The following SEPTIN11 variants were observed in gnomAD, a reference collection of about 807,000 sequenced individuals.
The protein encoded by SEPTIN11 is septin-11.
Under a neutral mutation model 51.4 loss-of-function variants are expected in SEPTIN11, and 25 were observed. That is an observed-to-expected ratio of 0.49 (90% CI 0.35 to 0.68). The LOEUF is 0.68. Ranked by LOEUF, SEPTIN11 falls within the 30% of genes least tolerant of loss-of-function variation. The probability of loss-of-function intolerance (pLI) is 0.00; values close to 1 mark genes in which losing one functional copy is unlikely to be tolerated. For missense variants in SEPTIN11, 381 were observed against 520.8 expected (o/e 0.73, Z 2.61); for synonymous variants, 174 against 184.1 (o/e 0.95, Z 0.44).
In SEPTIN11 at chr4:77,035,247, G is replaced by T. The variant is rs1423151580; in HGVS notation, c.*735G>T. On this transcript the variant is annotated 3_prime_UTR_variant, in exon 10 of 10. Transcript: ENST00000264893. Reference sequence around the variant, plus strand: ...CATCCTTGATCCTCTCACAGATAGAGGTCTTAAAGGTTGGATCATGTAACA... The same window carrying T: ...CATCCTTGATCCTCTCACAGATAGATGTCTTAAAGGTTGGATCATGTAACA... 1.0e-6 allele frequency: 1 copy of T among 985,194 alleles called. No homozygotes were observed. Among genetic ancestry groups the T allele is most frequent in the Non-Finnish European group, 1.2e-6 (1 of 829,912 alleles). 61.0% of individuals were successfully genotyped at this position (985,194 alleles called of 1,614,324 possible).
Position 77,035,168 on chromosome 4 carries a change from C to T in SEPTIN11, c.*656C>T. 1.0e-6 allele frequency: 1 copy of T among 985,428 alleles called. No homozygotes were observed. 61.0% of individuals were successfully genotyped at this position (985,428 alleles called of 1,614,324 possible). A position where few individuals can be genotyped will look rare whatever the true frequency, so the allele number is the denominator to read the frequency against. ...CTGAATGCCTGCCTTCAATCCTGGC[C>T]AAGTTGGAGTAGACTGGTATGAGAA... On this transcript the variant is annotated 3_prime_UTR_variant, in exon 10 of 10. Coordinates refer to ENST00000264893, the MANE Select transcript of SEPTIN11 (RefSeq NM_018243.4).
Position 77,037,680 on chromosome 4 carries a change from GCTT to G in SEPTIN11, c.*3174_*3176del, listed in dbSNP as rs1256323846. ...TGTTCAAACATAATACCATCTTTTTGCTTCTTCTGAACTTTAGATCTCCATAAC... is the reference window on the plus strand; with the variant it reads ...TGTTCAAACATAATACCATCTTTTTGCTTCTGAACTTTAGATCTCCATAAC... On this transcript the variant is annotated 3_prime_UTR_variant, in exon 10 of 10. Coordinates refer to ENST00000264893, the MANE Select transcript of SEPTIN11 (RefSeq NM_018243.4). 2.0e-6 allele frequency: 2 copies of G among 985,540 alleles called. No homozygotes were observed. Among genetic ancestry groups the G allele is most frequent in the African/African-American group, 1.7e-5 (1 of 57,176 alleles). 61.0% of individuals were successfully genotyped at this position (985,540 alleles called of 1,614,324 possible).
chr4:77,022,445 C>G (rs1313692640), intron 7 of SEPTIN11, among the ~76,000 whole-genome samples: 2 of 152,162 alleles, frequency 1.3e-5, no homozygotes, highest in African/African-American at 2.4e-5. Context: ...TTTTTCCATA[C>G]TGGGTTAGAC....
chr4:77,007,193 G>A (rs947366696), intron 3 of SEPTIN11, among the ~76,000 whole-genome samples: 3 of 152,204 alleles, frequency 2.0e-5, no homozygotes, highest in Non-Finnish European at 4.4e-5. Flanking sequence ...CATAAGGAAA[G>A]GGGCACAAGT....
rs1127587 is a variant in SEPTIN11, at chr4:77,036,977, G to A, written c.*2465G>A. On this transcript the variant is annotated 3_prime_UTR_variant, in exon 10 of 10. Coordinates refer to ENST00000264893, the MANE Select transcript of SEPTIN11 (RefSeq NM_018243.4). Reference sequence around the variant, plus strand: ...TTGAGTAGCCTTTGTTTAAAAAAAAGACTAAATATATTTAAAAGGCCACAT... The same window carrying A: ...TTGAGTAGCCTTTGTTTAAAAAAAAAACTAAATATATTTAAAAGGCCACAT... The A allele has an allele frequency of 0.41, 517,484 of 1,258,186 alleles. 109,910 individuals are homozygous for A. The highest frequency in any genetic ancestry group is 0.66 in the African/African-American group (42,154 of 64,120). The allele number at this position is 1,258,186 out of a possible 1,614,324, so 77.9% of individuals were successfully genotyped here.
intron 1 of SEPTIN11, among the ~76,000 whole-genome samples, chr4:76,952,099 C>T (rs1274627496): frequency 3.3e-5 from 5 of 152,150 alleles, no homozygotes; most frequent in African/African-American, 1.2e-4. Context: ...TTGTTGAATC[C>T]TTTCACTTTG....
chr4:77,016,637 T>TATATATATATACAC lies in SEPTIN11; in HGVS notation c.687+1631_687+1632insCACATATATATATA, dbSNP rs1314522113. 2.7e-3 allele frequency among the ~76,000 whole-genome samples: 257 copies of TATATATATATACAC among 93,534 alleles called. 9 individuals carry two copies. The South Asian group carries it at 0.049, about 18-fold the overall frequency. The allele number at this position is 93,534 out of a possible 152,430, so 61.4% of individuals were successfully genotyped here. On this transcript the variant is annotated intron_variant, in intron 5 of 9. Transcript: ENST00000264893. ...ACACATATATATATATATACACATA[T>TATATATATATACAC]ATATATATATATATATATACACATA...
chr4:76,989,622 C>T (rs578226347), intron 1 of SEPTIN11, among the ~76,000 whole-genome samples: 1 of 152,216 alleles, frequency 6.6e-6, no homozygotes, highest in Non-Finnish European at 1.5e-5. Context: ...GATTAAAATA[C>T]AGTCATGTAC....
At chr4:77,023,306 T>C (rs903170881) in intron 7 of SEPTIN11, among the ~76,000 whole-genome samples, 1 of 124,064 alleles carries the variant, frequency 8.1e-6, no homozygotes, top group African/African-American at 3.0e-5. Flanking sequence ...ACACACAATA[T>C]ATATATAAAA....
chr4:76,974,524 A>T (rs1722397594), intron 1 of SEPTIN11: 1 of 324,398 alleles, frequency 3.1e-6, no homozygotes, highest in Non-Finnish European at 6.1e-6. Flanking sequence ...CTTAAGACCC[A>T]TAGGCTCAGA....
At position 77,005,621 on chromosome 4, in the gene SEPTIN11, T is replaced by A; in HGVS notation, c.163T>A (p.Ser55Thr). Reference sequence around the variant, plus strand: ...TGTAGGTGAGACAGGCATTGGCAAATCCACGTTAATGGACACTTTGTTCAA... The same window carrying A: ...TGTAGGTGAGACAGGCATTGGCAAAACCACGTTAATGGACACTTTGTTCAA... ...LCVGETGIGK[S>T]TLMDTLFNTK... The change falls in exon 3 of 10, where the codon TCC (serine) becomes ACC (threonine). Residue 55 changes from serine to threonine, a missense_variant. Physicochemically the swap from Ser to Thr is moderately conservative, Grantham distance 58. Around this residue, in one of 2 missense-constraint regions of SEPTIN11, gnomAD observed 184 missense variants for 207.7 expected, o/e 0.89. Coordinates refer to ENST00000264893, the MANE Select transcript of SEPTIN11 (RefSeq NM_018243.4). The A allele has an allele frequency of 6.2e-7, 1 of 1,613,730 alleles. No individual in the cohort carries two copies. Among genetic ancestry groups the A allele is most frequent in the Non-Finnish European group, 8.5e-7 (1 of 1,179,812 alleles).
intron 9 of SEPTIN11, 111 bp downstream of exon 9, chr4:77,031,081 A>G (rs907668081): frequency 3.9e-6 from 4 of 1,022,196 alleles, no homozygotes; most frequent in Non-Finnish European, 5.7e-6. Flanking sequence ...CAGAAAGATA[A>G]AAGCAAGTAT....
intron 1 of SEPTIN11, among the ~76,000 whole-genome samples, chr4:76,986,802 G>A (rs1193147473): frequency 6.6e-5 from 10 of 152,030 alleles, no homozygotes; most frequent in Admixed American, 6.5e-4. Flanking sequence ...TAGTATTATT[G>A]TTATTGATGT....
chr4:76,964,047 TGTG>T (rs1395303962), intron 1 of SEPTIN11, among the ~76,000 whole-genome samples: 1 of 151,994 alleles, frequency 6.6e-6, no homozygotes, highest in African/African-American at 2.4e-5. Context: ...AGTGAGAACA[TGTG>T]GTGTTTGGTT....
chr4:76,952,321 G>T (rs2109873703), intron 1 of SEPTIN11, among the ~76,000 whole-genome samples: 1 of 152,250 alleles, frequency 6.6e-6, no homozygotes, highest in South Asian at 2.1e-4. Flanking sequence ...CTCCGAAGTT[G>T]ATTTATGTGT....
downstream of SEPTIN11, among the ~76,000 whole-genome samples, chr4:77,038,781 G>A (rs553297843): frequency 9.2e-5 from 14 of 152,198 alleles, no homozygotes; most frequent in African/African-American, 3.1e-4. Context: ...TCAAAGATAC[G>A]TGCCATGTGG....
chr4:77,037,021 AACC>A lies in SEPTIN11; in HGVS notation c.*2512_*2514del. On this transcript the variant is annotated 3_prime_UTR_variant, in exon 10 of 10. Coordinates refer to ENST00000264893, the MANE Select transcript of SEPTIN11 (RefSeq NM_018243.4). ...GCCACATTTATATTTTTTTCACAAG[AACC>A]ACATAATAAATTCCACTTCTTGACC... is the stretch of plus-strand genomic sequence containing the variant. The A allele has an allele frequency of 8.1e-7, 1 of 1,239,354 alleles. No individual in the cohort carries two copies. The allele number at this position is 1,239,354 out of a possible 1,614,324, so 76.8% of individuals were successfully genotyped here. A position where few individuals can be genotyped will look rare whatever the true frequency, so the allele number is the denominator to read the frequency against.
chr4:76,987,170 T>C (rs7665521), intron 1 of SEPTIN11, among the ~76,000 whole-genome samples: 80,957 of 152,086 alleles, frequency 0.53, 22,108 homozygotes, highest in Middle Eastern at 0.61. Flanking sequence ...AGGGGCTGGC[T>C]CCTGGATGCT....
Position 77,018,178 on chromosome 4 carries a change from GCCAGCACTTTCGGAGTAATC to G in SEPTIN11, c.688-971_688-952del, listed in dbSNP as rs368497762. Among the ~76,000 whole-genome samples, 1,193 of 152,206 alleles carry G rather than the reference GCCAGCACTTTCGGAGTAATC, an allele frequency of 7.8e-3. 10 individuals carry two copies. Among genetic ancestry groups the G allele is most frequent in the African/African-American group, 0.027 (1,116 of 41,520 alleles). Reference sequence around the variant, plus strand: ...TTTTAGGCTGGGCACGGTGACTCACGCCAGCACTTTCGGAGTAATCCCAGCACTTTCGGAGGCCAAGGCGG... The same window carrying G: ...TTTTAGGCTGGGCACGGTGACTCACGCCAGCACTTTCGGAGGCCAAGGCGG... On this transcript the variant is annotated intron_variant, in intron 5 of 9. Coordinates refer to ENST00000264893, the MANE Select transcript of SEPTIN11 (RefSeq NM_018243.4).
Sources: allele counts gnomAD v4.1 joint callset (sites outside exome capture counted in the v4.1 genomes callset), GRCh38; gene constraint gnomAD v4.1.1; regional missense constraint gnomAD v4.1.1; transcripts MANE v1.5; gene names NCBI Gene and HGNC (gene_info 2026-07-23, HGNC 2026-07-21).